Variants in SPATA17 observed in about 807,000 individuals in gnomAD.
SPATA17 encodes spermatogenesis associated 17, also known as spermatogenesis-associated protein 17.
Under a neutral mutation model 62.2 loss-of-function variants are expected in SPATA17, and 53 were observed. The ratio of observed to expected loss-of-function variants is 0.85; its 90% CI spans 0.68 to 1.07. The LOEUF is 1.07. Ranked by LOEUF, SPATA17 falls within the 50% of genes least tolerant of loss-of-function variation. The probability of loss-of-function intolerance (pLI) is 0.00; values close to 1 mark genes in which losing one functional copy is unlikely to be tolerated. For missense variants in SPATA17, 466 were observed against 425.5 expected (o/e 1.10, Z -0.84); for synonymous variants, 146 against 146.8 (o/e 0.99, Z 0.04).
At chr1:217,736,273 G>C (rs1294783817) in intron 5 of SPATA17, among the ~76,000 whole-genome samples, 1 of 152,078 alleles carries the variant, frequency 6.6e-6, no homozygotes, top group East Asian at 1.9e-4. Context: ...ATCATTCATA[G>C]ACATAAACCT....
intron 9 of SPATA17, among the ~76,000 whole-genome samples, chr1:217,806,466 G>T (rs915929121): frequency 6.6e-6 from 1 of 152,150 alleles, no homozygotes; most frequent in Non-Finnish European, 1.5e-5. Flanking sequence ...CCCCTTAGGG[G>T]TCATTCGTCC....
chr1:217,807,505 A>T (rs994479), intron 9 of SPATA17, among the ~76,000 whole-genome samples: 136,727 of 152,238 alleles, frequency 0.9, 61,542 homozygotes, highest in East Asian at 0.93. Flanking sequence ...TAAACATCAT[A>T]ACACTACATA....
chr1:217,750,525 A>G (rs184237513), intron 6 of SPATA17, among the ~76,000 whole-genome samples: 1 of 152,330 alleles, frequency 6.6e-6, no homozygotes, highest in Non-Finnish European at 1.5e-5. Context: ...AATTATTAAC[A>G]TAGCATTCTC....
At chr1:217,850,225 C>A (rs1675616442) in intron 9 of SPATA17, among the ~76,000 whole-genome samples, 1 of 151,166 alleles carries the variant, frequency 6.6e-6, no homozygotes, top group Non-Finnish European at 1.5e-5. Context: ...TAATGTTTTT[C>A]CAAAAGTATG....
At chr1:217,727,420 A>G (rs923976564) in intron 5 of SPATA17, among the ~76,000 whole-genome samples, 3 of 151,928 alleles carry the variant, frequency 2.0e-5, no homozygotes, top group African/African-American at 7.2e-5. Context: ...CAGTATTAAT[A>G]TATAACTGAC....
intron 4 of SPATA17, among the ~76,000 whole-genome samples, chr1:217,670,467 TA>T (rs1670807628): frequency 6.6e-6 from 1 of 152,210 alleles, no homozygotes. Flanking sequence ...TTACCTAGAC[TA>T]AACATATGTA....
chr1:217,826,429 C>A (rs1305700951), intron 9 of SPATA17, among the ~76,000 whole-genome samples: 1 of 152,122 alleles, frequency 6.6e-6, no homozygotes, highest in Non-Finnish European at 1.5e-5. Flanking sequence ...TGTAAAGATT[C>A]TTGAACATTT....
chr1:217,855,906 T>G (rs1675774562), intron 9 of SPATA17, among the ~76,000 whole-genome samples: 1 of 151,808 alleles, frequency 6.6e-6, no homozygotes, highest in African/African-American at 2.4e-5. Flanking sequence ...TTTGTATTTT[T>G]AGTAGAGATG....
intron 5 of SPATA17, among the ~76,000 whole-genome samples, chr1:217,702,947 G>A (rs1448353982): frequency 1.3e-5 from 2 of 149,886 alleles, no homozygotes; most frequent in African/African-American, 4.9e-5. Context: ...CGACATCTCG[G>A]CTCACTACAA....
chr1:217,673,150 T>C (rs1274369882), intron 4 of SPATA17, among the ~76,000 whole-genome samples: 2 of 152,162 alleles, frequency 1.3e-5, no homozygotes, highest in Non-Finnish European at 2.9e-5. Context: ...ATGATGTAGA[T>C]AAACTGGATT....
At chr1:217,708,511 T>G (rs910529482) in intron 5 of SPATA17, among the ~76,000 whole-genome samples, 2 of 151,914 alleles carry the variant, frequency 1.3e-5, no homozygotes, top group African/African-American at 4.8e-5. Context: ...ATGAAGAAAT[T>G]TAATCCCTGA....
At chr1:217,827,641 A>C (rs774681563) in intron 9 of SPATA17, among the ~76,000 whole-genome samples, 14 of 152,202 alleles carry the variant, frequency 9.2e-5, no homozygotes, top group Non-Finnish European at 1.8e-4. Context: ...CCAAATGCCC[A>C]TCAGTGATAG....
intron 5 of SPATA17, among the ~76,000 whole-genome samples, chr1:217,733,481 G>A (rs1196802716): frequency 2.0e-5 from 3 of 152,128 alleles, no homozygotes; most frequent in Non-Finnish European, 4.4e-5. Context: ...CATCTAATCA[G>A]AAGTGAGCCC....
intron 3 of SPATA17, among the ~76,000 whole-genome samples, chr1:217,668,068 A>G (rs1670742645): frequency 1.3e-5 from 2 of 152,208 alleles, no homozygotes; most frequent in African/African-American, 4.8e-5. Flanking sequence ...CCCCTTTATA[A>G]AGAGTTAAGG....
chr1:217,852,051 T>C (rs963708115), intron 9 of SPATA17, among the ~76,000 whole-genome samples: 1 of 152,010 alleles, frequency 6.6e-6, no homozygotes, highest in African/African-American at 2.4e-5. Context: ...AACTGAAGGG[T>C]GAACAATTTC....
At chr1:217,742,176 T>C (rs1672639896) in intron 6 of SPATA17, 78 bp downstream of exon 6, 1 of 1,544,604 alleles carries the variant, frequency 6.5e-7, no homozygotes, top group Non-Finnish European at 8.8e-7. Flanking sequence ...GCAGGCTGAA[T>C]GGGACATGAC....
chr1:217,639,779 G>C (rs981861695), intron 1 of SPATA17, among the ~76,000 whole-genome samples: 3 of 152,008 alleles, frequency 2.0e-5, no homozygotes, highest in Non-Finnish European at 4.4e-5. Flanking sequence ...TCACATAATA[G>C]AGGTTCTTTT....
Position 217,676,412 on chromosome 1 carries a change from G to A in SPATA17, c.292-6846G>A, listed in dbSNP as rs968823523. 1.5e-4 allele frequency among the ~76,000 whole-genome samples: 23 copies of A among 152,052 alleles called. 1 individual carries two copies. The highest frequency in any genetic ancestry group is 3.9e-4 in the East Asian group (2 of 5,192). On this transcript the variant is annotated intron_variant, in intron 4 of 10. Coordinates refer to ENST00000366933, the MANE Select transcript of SPATA17 (RefSeq NM_138796.4). ...GTTTAGTTTCATTTATACCTCTACC[G>A]TGCCTGTTTTGGGCCCTGAAGCATC...
rs548963278 is a variant in SPATA17 at position 217,636,126 on chromosome 1, C to T, written c.68+4680C>T. ...CCAGCCTGGCGACAGAATGAGACTC[C>T]GTCTCAAAAAAAAAAAAAAAAAAAG... On this transcript the variant is annotated intron_variant, in intron 1 of 10. Transcript: ENST00000366933. 9.8e-3 allele frequency among the ~76,000 whole-genome samples: 539 copies of T among 54,984 alleles called. 3 individuals carry two copies. The highest frequency in any genetic ancestry group is 0.037 in the African/African-American group (499 of 13,554). The allele number at this position is 54,984 out of a possible 152,430, so 36.1% of individuals were successfully genotyped here. A position where few individuals can be genotyped will look rare whatever the true frequency, so the allele number is the denominator to read the frequency against.
Sources: gnomAD v4.1 joint callset for allele counts (sites outside exome capture counted in the v4.1 genomes callset) on GRCh38, gnomAD v4.1.1 for gene constraint, MANE v1.5 for transcripts, NCBI Gene and HGNC (gene_info 2026-07-23, HGNC 2026-07-21) for gene names.